Variants in TNNI3K observed in about 807,000 individuals in gnomAD.
TNNI3K encodes serine/threonine-protein kinase TNNI3K.
Under a neutral mutation model 114.5 loss-of-function variants are expected in TNNI3K, and 140 were observed. The observed-to-expected ratio is 1.22, with a 90% CI of 1.07 to 1.41. The LOEUF (loss-of-function observed/expected upper bound fraction) is 1.41. Ranked by LOEUF, TNNI3K falls within the 40% of genes most tolerant of loss-of-function variation. The pLI, the probability that TNNI3K is intolerant of heterozygous loss-of-function variation, is 0.00. For synonymous variants in TNNI3K, 347 were observed against 347.5 expected, an observed-to-expected ratio of 1.00 and a Z score of 0.02; for missense variants, 1,125 against 1,007.6, an observed-to-expected ratio of 1.12 and a Z score of -1.58.
intron 5 of TNNI3K, among the ~76,000 whole-genome samples, chr1:74,282,620 G>A (rs1014857757): frequency 1.2e-4 from 18 of 152,112 alleles, no homozygotes; most frequent in African/African-American, 3.4e-4. Flanking sequence ...GCTTCAACAC[G>A]TGAATTTCAG....
At chr1:74,450,134 A>G (rs1433506836) in intron 20 of TNNI3K, among the ~76,000 whole-genome samples, 2 of 146,196 alleles carry the variant, frequency 1.4e-5, no homozygotes, top group African/African-American at 2.6e-5. Flanking sequence ...TGGAAACTGA[A>G]CAACCTGCTC....
intron 17 of TNNI3K, among the ~76,000 whole-genome samples, chr1:74,434,661 A>G (rs1453502413): frequency 6.6e-6 from 1 of 151,918 alleles, no homozygotes; most frequent in Admixed American, 6.6e-5. Flanking sequence ...GGACAGTCTG[A>G]TTCTCATCAT....
intron 5 of TNNI3K, among the ~76,000 whole-genome samples, chr1:74,285,805 T>TA (rs1477370494): frequency 6.6e-6 from 1 of 152,232 alleles, no homozygotes; most frequent in Non-Finnish European, 1.5e-5. Context: ...ATTATAATGA[T>TA]ACGTTTCATG....
intron 23 of TNNI3K, among the ~76,000 whole-genome samples, chr1:74,517,358 T>G (rs934808917): frequency 6.6e-6 from 1 of 152,206 alleles, no homozygotes; most frequent in African/African-American, 2.4e-5. Context: ...CCTAAGGAAC[T>G]TAATTAGTAT....
chr1:74,262,307 C>T (rs890065020), intron 4 of TNNI3K, among the ~76,000 whole-genome samples: 1 of 152,076 alleles, frequency 6.6e-6, no homozygotes, highest in Non-Finnish European at 1.5e-5. Flanking sequence ...GCAGCCACTT[C>T]CCTCATGCCC....
intron 17 of TNNI3K, among the ~76,000 whole-genome samples, chr1:74,408,926 G>A (rs909263901): frequency 3.3e-5 from 5 of 150,488 alleles, no homozygotes; most frequent in Admixed American, 2.0e-4. Context: ...AAAAAGCTTT[G>A]TCTTCATTAT....
At chr1:74,300,713 A>C (rs923112375) in intron 5 of TNNI3K, among the ~76,000 whole-genome samples, 2 of 152,224 alleles carry the variant, frequency 1.3e-5, no homozygotes, top group Non-Finnish European at 2.9e-5. Context: ...TTTCGTGCAT[A>C]GACACCAGTT....
chr1:74,384,975 A>G (rs1365869633), intron 17 of TNNI3K, among the ~76,000 whole-genome samples: 1 of 152,076 alleles, frequency 6.6e-6, no homozygotes, highest in African/African-American at 2.4e-5. Flanking sequence ...CCTTCTACTC[A>G]TATTAGTAAA....
intron 17 of TNNI3K, among the ~76,000 whole-genome samples, chr1:74,390,634 T>C (rs1570561483): frequency 6.6e-6 from 1 of 152,108 alleles, no homozygotes; most frequent in Admixed American, 6.6e-5. Flanking sequence ...ATGGCAAAGG[T>C]CTCTGCTTTC....
Position 74,544,231 on chromosome 1 carries a change from A to T in TNNI3K, c.*249A>T, listed in dbSNP as rs567563708. On this transcript the variant is annotated 3_prime_UTR_variant, in exon 25 of 25. Coordinates refer to ENST00000326637, the MANE Select transcript of TNNI3K (RefSeq NM_015978.3). The stretch of plus-strand genomic sequence containing the variant: ...GTTTTTAATTTTGTAAATTAAAAAA[A>T]AATTTAGATCGTTACTTGGAAATGG... 5 of 411,714 alleles carry T rather than the reference A, an allele frequency of 1.2e-5. No individual in the cohort carries two copies. The highest frequency in any genetic ancestry group is 2.1e-5 in the Non-Finnish European group (5 of 236,582). The allele number at this position is 411,714 out of a possible 1,614,324, so 25.5% of individuals were successfully genotyped here.
At chr1:74,533,050 C>A (rs1412335094) in intron 23 of TNNI3K, among the ~76,000 whole-genome samples, 1 of 152,100 alleles carries the variant, frequency 6.6e-6, no homozygotes, top group South Asian at 2.1e-4. Context: ...GCAACAAAAG[C>A]CAAAATTGAC....
intron 23 of TNNI3K, among the ~76,000 whole-genome samples, chr1:74,511,256 G>A (rs1206676127): frequency 4.0e-5 from 6 of 151,396 alleles, no homozygotes; most frequent in South Asian, 2.1e-4. Flanking sequence ...GCAATGGTGC[G>A]ATCTCGGCTC....
chr1:74,329,622 T>C (rs796202169), intron 5 of TNNI3K, among the ~76,000 whole-genome samples: 14 of 152,190 alleles, frequency 9.2e-5, no homozygotes, highest in African/African-American at 3.1e-4. Context: ...CAATAAATTG[T>C]GTTTAATGGA....
intron 17 of TNNI3K, 122 bp downstream of exon 17, chr1:74,370,514 G>T: frequency 1.3e-6 from 1 of 747,672 alleles, no homozygotes; most frequent in South Asian, 3.2e-5. Context: ...TAAGAGGACA[G>T]GCTACCATAA....
chr1:74,425,993 T>G (rs1317305402), intron 17 of TNNI3K, among the ~76,000 whole-genome samples: 1 of 44,050 alleles, frequency 2.3e-5, no homozygotes, highest in Non-Finnish European at 4.2e-5. Flanking sequence ...CGCTGAAAGG[T>G]TCAGTGAATT....
In TNNI3K at chr1:74,331,301, A is replaced by G. The variant is rs140216403; in HGVS notation, c.445-149A>G. 1.1e-3 allele frequency: 716 copies of G among 658,352 alleles called. 1 individual carries two copies. The highest frequency in any genetic ancestry group is 1.4e-3 in the Non-Finnish European group (580 of 402,702). 40.8% of individuals were successfully genotyped at this position (658,352 alleles called of 1,614,324 possible). On this transcript the variant is annotated intron_variant, in intron 5 of 24. Transcript: ENST00000326637. Reference sequence around the variant, plus strand: ...TTTATCTTTCATAAAAAAACAGGACACTGGAGGTCTTGGATAAGGTGGATG... The same window carrying G: ...TTTATCTTTCATAAAAAAACAGGACGCTGGAGGTCTTGGATAAGGTGGATG...
intron 20 of TNNI3K, among the ~76,000 whole-genome samples, chr1:74,460,276 C>G (rs1019735530): frequency 2.0e-5 from 3 of 152,018 alleles, no homozygotes; most frequent in African/African-American, 7.3e-5. Flanking sequence ...ACCGTGTTAG[C>G]CAGGATGGTC....
At chr1:74,265,100 T>G (rs1381295334) in intron 4 of TNNI3K, among the ~76,000 whole-genome samples, 5 of 151,974 alleles carry the variant, frequency 3.3e-5, no homozygotes, top group African/African-American at 1.2e-4. Flanking sequence ...AAGACCTGAT[T>G]TCAAATCCCA....
chr1:74,456,301 A>G (rs984984740), intron 20 of TNNI3K, among the ~76,000 whole-genome samples: 8 of 152,272 alleles, frequency 5.3e-5, no homozygotes, highest in African/African-American at 1.7e-4. Flanking sequence ...TGATGGATAC[A>G]AGAAAAGGAG....
Sources: allele counts gnomAD v4.1 joint callset (sites outside exome capture counted in the v4.1 genomes callset), GRCh38; gene constraint gnomAD v4.1.1; transcripts MANE v1.5; gene names NCBI Gene and HGNC (gene_info 2026-07-23, HGNC 2026-07-21).